HEXB: variants seen among roughly 807,000 people sequenced by gnomAD.
The protein encoded by HEXB is beta-hexosaminidase subunit beta.
HEXB carries 51 observed loss-of-function variants against 71.2 expected under a neutral mutation model. The observed-to-expected ratio is 0.72, with a 90% confidence interval of 0.57 to 0.90. The LOEUF (loss-of-function observed/expected upper bound fraction) is 0.90, where lower values mean the gene tolerates loss of function less well. Ranked by LOEUF, HEXB falls within the 40% of genes least tolerant of loss-of-function variation. The probability of loss-of-function intolerance (pLI) is 0.00; values close to 1 mark genes in which losing one functional copy is unlikely to be tolerated. For synonymous variants in HEXB, 266 were observed against 249.3 expected, an observed-to-expected ratio of 1.07 and a Z score of -0.63; for missense variants, 617 against 677.0, an observed-to-expected ratio of 0.91 and a Z score of 0.98.
intron 8 of HEXB, 47 bp from the exon 9 acceptor site, chr5:74,716,540 T>C (rs1749676470): frequency 8.9e-7 from 1 of 1,129,062 alleles, no homozygotes; most frequent in Non-Finnish European, 1.3e-6. Flanking sequence ...AATAATAAAC[T>C]GAGCATATCA....
At chr5:74,676,305 A>C (rs546674722) in intron 1 of HEXB, among the ~76,000 whole-genome samples, 1 of 152,294 alleles carries the variant, frequency 6.6e-6, no homozygotes, top group South Asian at 2.1e-4. Flanking sequence ...AACAGTTACA[A>C]GTGCACTTTA....
chr5:74,715,569 C>T lies in HEXB; in HGVS notation c.961C>T (p.Pro321Ser), dbSNP rs1749649623. Residue 321 changes from proline to serine, a missense_variant, in exon 8 of 14, where the codon CCT (proline) becomes TCT (serine). Pro to Ser is a moderately conservative substitution (Grantham distance 74, BLOSUM62 -1). Coordinates refer to ENST00000261416, the MANE Select transcript of HEXB (RefSeq NM_000521.4). ...ACAAAACAAGTTGGACTCTTTTGGA[C>T]CTATAAACCCTACTCTGAATACAAC... is the stretch of plus-strand genomic sequence containing the variant. ...SRQNKLDSFG[P>S]INPTLNTTYS... The T allele has an allele frequency of 6.2e-7, 1 of 1,611,646 alleles. No homozygotes were observed. The highest frequency in any genetic ancestry group is 1.1e-5 in the South Asian group (1 of 91,036).
intron 1 of HEXB, among the ~76,000 whole-genome samples, chr5:74,653,750 G>T (rs1580360123): frequency 1.3e-5 from 2 of 152,122 alleles, no homozygotes; most frequent in African/African-American, 4.8e-5. Context: ...TCAGTGGATT[G>T]TACACTCTGC....
chr5:74,656,196 C>A (rs1748214139), intron 1 of HEXB, among the ~76,000 whole-genome samples: 1 of 152,156 alleles, frequency 6.6e-6, no homozygotes, highest in African/African-American at 2.4e-5. Context: ...TGGCTCACAC[C>A]TGTAACCCCA....
upstream of HEXB, chr5:74,685,123 C>A: frequency 1.1e-6 from 1 of 897,040 alleles, no homozygotes; most frequent in Non-Finnish European, 1.5e-6. Context: ...GGCCTGGAGG[C>A]GGAGTCGGGG....
At chr5:74,674,226 GTTGT>G (rs1323289395) in intron 1 of HEXB, among the ~76,000 whole-genome samples, 1 of 152,174 alleles carries the variant, frequency 6.6e-6, no homozygotes, top group Non-Finnish European at 1.5e-5. Context: ...ATAATCATTG[GTTGT>G]TTGTCATTTG....
intron 9 of HEXB, among the ~76,000 whole-genome samples, chr5:74,717,930 G>A (rs1428899370): frequency 2.6e-5 from 4 of 152,184 alleles, no homozygotes; most frequent in Non-Finnish European, 5.9e-5. Flanking sequence ...TGACAGGCTA[G>A]ATCGTGGTCC....
rs1206475934 is a variant in HEXB at position 74,711,273 on chromosome 5, C to T, written c.772-2233C>T. On this transcript the variant is annotated intron_variant, in intron 6 of 13. Coordinates refer to ENST00000261416, the MANE Select transcript of HEXB (RefSeq NM_000521.4). The stretch of plus-strand genomic sequence containing the variant: ...CTGGATCCCTTCCTTACACCTTATA[C>T]AAAAATCAATTCAAGATGGATTAAA... Among the ~76,000 whole-genome samples, 304 of 146,050 alleles carry T rather than the reference C, an allele frequency of 2.1e-3. 3 individuals are homozygous for T. The highest frequency in any genetic ancestry group is 7.4e-3 in the African/African-American group (285 of 38,690).
intron 6 of HEXB, 32 bp from the exon 7 acceptor site, chr5:74,713,474 C>T: frequency 6.2e-7 from 1 of 1,600,148 alleles, no homozygotes; most frequent in Non-Finnish European, 8.6e-7. Context: ...CTACGTTGTA[C>T]ATTTTAACTT....
At chr5:74,691,748 C>T (rs1209627432) in intron 2 of HEXB, among the ~76,000 whole-genome samples, 1 of 152,172 alleles carries the variant, frequency 6.6e-6, no homozygotes, top group Non-Finnish European at 1.5e-5. Context: ...GAGATTTTAG[C>T]CTTATCTATA....
intron 1 of HEXB, among the ~76,000 whole-genome samples, chr5:74,677,012 G>A (rs1364635396): frequency 2.6e-5 from 4 of 151,690 alleles, no homozygotes; most frequent in East Asian, 2.0e-4. Flanking sequence ...TCAGCCTCCC[G>A]AGTAACTGGG....
chr5:74,689,972 T>C (rs114732061), intron 2 of HEXB: 1 of 161,396 alleles, frequency 6.2e-6, no homozygotes, highest in African/African-American at 2.5e-5. Flanking sequence ...ATGAGCTGAC[T>C]TGGGTAATCT....
intron 1 of HEXB, among the ~76,000 whole-genome samples, chr5:74,657,441 T>C (rs980402986): frequency 6.6e-6 from 1 of 152,176 alleles, no homozygotes; most frequent in Non-Finnish European, 1.5e-5. Flanking sequence ...GAGCTCCTGG[T>C]CTAAAATAGC....
chr5:74,702,227 CGCCACTACGCCT>C (rs1749280600), intron 5 of HEXB, among the ~76,000 whole-genome samples: 2 of 148,830 alleles, frequency 1.3e-5, no homozygotes, highest in Non-Finnish European at 3.0e-5. Context: ...TACAGGCGCC[CGCCACTACGCCT>C]GGCTAATTTT....
At chr5:74,718,602 T>G (rs551632428) in intron 10 of HEXB, among the ~76,000 whole-genome samples, 195 bp from the exon 11 acceptor site, 2 of 152,292 alleles carry the variant, frequency 1.3e-5, no homozygotes, top group African/African-American at 4.8e-5. Flanking sequence ...TATTCAAACC[T>G]AAGGTTGATG....
intron 1 of HEXB, among the ~76,000 whole-genome samples, chr5:74,667,541 C>A (rs1310246877): frequency 6.6e-6 from 1 of 152,180 alleles, no homozygotes; most frequent in Non-Finnish European, 1.5e-5. Flanking sequence ...AATATTCTAA[C>A]CACAGAATTA....
intron 5 of HEXB, among the ~76,000 whole-genome samples, chr5:74,701,297 C>T (rs1749254859): frequency 6.6e-6 from 1 of 152,022 alleles, no homozygotes; most frequent in African/African-American, 2.4e-5. Context: ...TAAAAATAGC[C>T]TCTTAAATTT....
intron 1 of HEXB, among the ~76,000 whole-genome samples, chr5:74,650,709 CAGG>C (rs1282694714): frequency 3.3e-5 from 5 of 151,874 alleles, no homozygotes; most frequent in Middle Eastern, 3.4e-3. Context: ...ATCACGGGGT[CAGG>C]AGATCGAGAC....
At chr5:74,679,861 C>G (rs1250224551) in intron 1 of HEXB, among the ~76,000 whole-genome samples, 2 of 134,600 alleles carry the variant, frequency 1.5e-5, no homozygotes, top group African/African-American at 5.3e-5. Context: ...TCCAGGCAAC[C>G]CCAGGAAAAC....
Sources: gnomAD v4.1 joint callset for allele counts (sites outside exome capture counted in the v4.1 genomes callset) on GRCh38, gnomAD v4.1.1 for gene constraint, MANE v1.5 for transcripts, NCBI Gene and HGNC (gene_info 2026-07-23, HGNC 2026-07-21) for gene names.